Variants in RAET1E observed in about 807,000 individuals in gnomAD.
RAET1E encodes NKG2D ligand 4.
A neutral mutation model predicts 21.1 loss-of-function variants in RAET1E; 27 were observed. The observed-to-expected ratio is 1.28, with a 90% CI of 0.94 to 1.76. The LOEUF is 1.76. RAET1E is among the 40% of genes most tolerant of loss of function. The pLI, the probability that RAET1E is intolerant of heterozygous loss-of-function variation, is 0.00. For synonymous variants in RAET1E, 113 were observed against 115.0 expected, an observed-to-expected ratio of 0.98 and a Z score of 0.11; for missense variants, 310 against 311.3, an observed-to-expected ratio of 1.00 and a Z score of 0.03.
At chr6:149,892,837 A>G (rs1438066575) in intron 2 of RAET1E, among the ~76,000 whole-genome samples, 1 of 152,194 alleles carries the variant, frequency 6.6e-6, no homozygotes, top group Non-Finnish European at 1.5e-5. Flanking sequence ...TTATGGTCCT[A>G]TGTCTTATGT....
intron 2 of RAET1E, among the ~76,000 whole-genome samples, chr6:149,891,970 C>T (rs1050949653): frequency 1.3e-5 from 2 of 152,110 alleles, no homozygotes; most frequent in African/African-American, 2.4e-5. Context: ...TGAGTGAGAA[C>T]ATGTGGTATT....
rs1285132491 is a variant in RAET1E at position 149,887,443 on chromosome 6, C to T, written c.*1055G>A. On this transcript the variant is annotated 3_prime_UTR_variant, in exon 6 of 6. Transcript: ENST00000357183. ...CCATCACACCACCCACCACACGAGCCCCTTCTGGACCAGTGGCCCTTATCT... is the reference window on the plus strand; with the variant it reads ...CCATCACACCACCCACCACACGAGCTCCTTCTGGACCAGTGGCCCTTATCT... Among the ~76,000 whole-genome samples the T allele has an allele frequency of 6.6e-6, 1 of 152,136 alleles. No individual in the cohort carries two copies. The highest frequency in any genetic ancestry group is 2.4e-5 in the African/African-American group (1 of 41,426).
chr6:149,897,065 G>T (rs925666812), intron 1 of RAET1E, among the ~76,000 whole-genome samples: 52 of 152,314 alleles, frequency 3.4e-4, no homozygotes, highest in African/African-American at 1.2e-3. Context: ...ACCAGGTCTT[G>T]CTCTGTCATC....
In RAET1E at chr6:149,890,067, A is replaced by G. The variant is rs751595853; in HGVS notation, c.164T>C (p.Phe55Ser). The G allele has an allele frequency of 1.2e-6, 2 of 1,613,970 alleles. No individual in the cohort carries two copies. The highest frequency in any genetic ancestry group is 1.7e-5 in the Admixed American group (1 of 60,000). Residue 55 changes from phenylalanine (F) to serine (S), a missense_variant, in exon 4 of 6, where the codon TTC becomes TCC. Transcript: ENST00000357183. ...CTGAAGGAAAAGATTTTTATTCAAG[A>G]AGACCTGCGCTTCACACCAGGGCTG... The part of the protein sequence containing the change: ...PGQPWCEAQV[F>S]LNKNLFLQYN...
chr6:149,891,275 C>T (rs1179750370), intron 2 of RAET1E, among the ~76,000 whole-genome samples: 3 of 152,084 alleles, frequency 2.0e-5, no homozygotes, highest in African/African-American at 7.2e-5. Context: ...CCTTCTCCTC[C>T]CTGCCTCTTT....
chr6:149,897,751 G>A (rs7761039), intron 1 of RAET1E, among the ~76,000 whole-genome samples: 12,232 of 152,102 alleles, frequency 0.08, 1,662 homozygotes, highest in African/African-American at 0.28. Context: ...ATTGGAGAGA[G>A]GGGCGATTGG....
chr6:149,887,753 T>C lies in RAET1E; in HGVS notation c.*745A>G, dbSNP rs1292053061. The stretch of plus-strand genomic sequence containing the variant: ...TCTACTTAACTTTTCCAAATTGCTG[T>C]ACTTGAAAATGTTGAGGTCTGCCTG... On this transcript the variant is annotated 3_prime_UTR_variant, in exon 6 of 6. Transcript: ENST00000357183. Among the ~76,000 whole-genome samples, 5 of 152,150 alleles carry C rather than the reference T, an allele frequency of 3.3e-5. No individual in the cohort carries two copies. Among genetic ancestry groups the C allele is most frequent in the Admixed American group, 6.5e-5 (1 of 15,272 alleles).
Position 149,890,160 on chromosome 6 carries a change from T to A in RAET1E, c.86-15A>T. 1 of 1,613,642 alleles carries A rather than the reference T, an allele frequency of 6.2e-7. No homozygotes were observed. Among genetic ancestry groups the A allele is most frequent in the Non-Finnish European group, 8.5e-7 (1 of 1,179,738 alleles). ...AGAGTGACCACCTGTGAGACAAAGA[T>A]GCAGGTGAGGTCCAGGACAGGGGAA... On this transcript the variant is annotated splice_polypyrimidine_tract_variant and intron_variant, in intron 3 of 5. Transcript: ENST00000357183.
rs1181445354 is a variant in RAET1E, at chr6:149,889,983, G to A, written c.248C>T (p.Ala83Val). 1.2e-5 allele frequency: 20 copies of A among 1,614,096 alleles called. No homozygotes were observed. Among genetic ancestry groups the A allele is most frequent in the Admixed American group, 8.3e-5 (5 of 60,014 alleles). ...GGTCAATTCTCCCCAAGTGCTGGTG[G>A]CATATACCTTCTTCCCCAGGAGGCC... is the stretch of plus-strand genomic sequence containing the variant. ...PLGLLGKKVYATSTWGELTQT... is the reference protein window; with the variant it reads ...PLGLLGKKVYVTSTWGELTQT... The change falls in exon 4 of 6, where the codon GCC becomes GTC. Residue 83 changes from alanine (A) to valine (V), a missense_variant. Transcript: ENST00000357183.
At chr6:149,894,709 T>C (rs1187695894) in intron 2 of RAET1E, among the ~76,000 whole-genome samples, 1 of 152,186 alleles carries the variant, frequency 6.6e-6, no homozygotes, top group Non-Finnish European at 1.5e-5. Flanking sequence ...TTCCTAGCAT[T>C]TGTTAGAACA....
rs1022550506 is a variant in RAET1E at position 149,884,698 on chromosome 6, A to G, written c.*3800T>C. On this transcript the variant is annotated 3_prime_UTR_variant, in exon 6 of 6. Coordinates refer to ENST00000357183, the MANE Select transcript of RAET1E (RefSeq NM_001394057.1). ...TTACTTCATCATTAGTTAGACCCAG[A>G]CCCCAGCAGAGATTTTAGGGGTTCA... 6.6e-6 allele frequency among the ~76,000 whole-genome samples: 1 copy of G among 152,224 alleles called. No homozygotes were observed. Among genetic ancestry groups the G allele is most frequent in the South Asian group, 2.1e-4 (1 of 4,816 alleles).
chr6:149,897,688 G>T (rs1271294032), intron 1 of RAET1E, among the ~76,000 whole-genome samples: 1 of 152,172 alleles, frequency 6.6e-6, no homozygotes, highest in Non-Finnish European at 1.5e-5. Context: ...GACAAGAGAA[G>T]TCGGAAAGAA....
intron 4 of RAET1E, 68 bp downstream of exon 4, chr6:149,889,817 C>G: frequency 6.4e-7 from 1 of 1,557,728 alleles, no homozygotes; most frequent in Non-Finnish European, 8.8e-7. Flanking sequence ...AAAGCCCCTC[C>G]CCATCTGTGT....
chr6:149,884,551 T>G lies in RAET1E; in HGVS notation c.*3947A>C. On this transcript the variant is annotated 3_prime_UTR_variant, in exon 6 of 6. Transcript: ENST00000357183. ...GTGCAGAACCCTGGGTCAGATCAGC[T>G]CAGGATTGACCCCTCCGTGATCTCT... The G allele has an allele frequency of 2.6e-6, 4 of 1,522,692 alleles. No individual in the cohort carries two copies. Among genetic ancestry groups the G allele is most frequent in the Non-Finnish European group, 3.5e-6 (4 of 1,134,854 alleles). 94.3% of individuals were successfully genotyped at this position (1,522,692 alleles called of 1,614,324 possible). A position where few individuals can be genotyped will look rare whatever the true frequency, so the allele number is the denominator to read the frequency against.
rs1268592437 is a variant in RAET1E, at chr6:149,888,671, A to C, written c.623-4T>G. The C allele has an allele frequency of 3.5e-5, 24 of 687,322 alleles. No individual in the cohort carries two copies. Among genetic ancestry groups the C allele is most frequent in the Non-Finnish European group, 5.1e-5 (23 of 453,438 alleles). The allele number at this position is 687,322 out of a possible 1,614,324, so 42.6% of individuals were successfully genotyped here. A position where few individuals can be genotyped will look rare whatever the true frequency, so the allele number is the denominator to read the frequency against. Reference sequence around the variant, plus strand: ...TCTGAAGCATTTACTGGTGACACTAAAAAAAAAAAAAAAAAGAAAAAAAAG... The same window carrying C: ...TCTGAAGCATTTACTGGTGACACTACAAAAAAAAAAAAAAAGAAAAAAAAG... On this transcript the variant is annotated splice_region_variant and splice_polypyrimidine_tract_variant and intron_variant, in intron 5 of 5. Coordinates refer to ENST00000357183, the MANE Select transcript of RAET1E (RefSeq NM_001394057.1).
At position 149,885,693 on chromosome 6, in the gene RAET1E, G is replaced by T. The variant is rs555286694; in HGVS notation, c.*2805C>A. 3 of 151,842 alleles carry T rather than the reference G, an allele frequency of 2.0e-5. No homozygotes were observed. The highest frequency in any genetic ancestry group is 7.3e-5 in the African/African-American group (3 of 40,964). 9.4% of individuals were successfully genotyped at this position (151,842 alleles called of 1,614,324 possible). On this transcript the variant is annotated 3_prime_UTR_variant, in exon 6 of 6. Coordinates refer to ENST00000357183, the MANE Select transcript of RAET1E (RefSeq NM_001394057.1). ...GTACAGGTAGGATGGTGGAGATGTG[G>T]TTGGGGACATGGATGGTTGAGGTGA...
In RAET1E at chr6:149,889,624, C is replaced by A. The variant is rs777239114; in HGVS notation, c.347-1G>T. On this transcript the variant is annotated splice_acceptor_variant, in intron 4 of 5. Transcript: ENST00000357183. LOFTEE classifies it high-confidence loss of function. Reference sequence around the variant, plus strand: ...ATCTCGACTTGCAGAGTGGAAGGATCTGCAATCCAAACACAAAGCCATCAT... The same window carrying A: ...ATCTCGACTTGCAGAGTGGAAGGATATGCAATCCAAACACAAAGCCATCAT... 17 of 1,613,584 alleles carry A rather than the reference C, an allele frequency of 1.1e-5. No homozygotes were observed. Among genetic ancestry groups the A allele is most frequent in the Non-Finnish European group, 1.4e-5 (17 of 1,179,662 alleles).
In RAET1E at chr6:149,887,925, A is replaced by G. The variant is rs920548770; in HGVS notation, c.*573T>C. On this transcript the variant is annotated 3_prime_UTR_variant, in exon 6 of 6. Transcript: ENST00000357183. ...CTGGCATATAATAGTTCTCTCAGCC[A>G]GGTGTGTTGGCTCCCCCTGTAATCC... 6.6e-6 allele frequency among the ~76,000 whole-genome samples: 1 copy of G among 152,178 alleles called. No homozygotes were observed. Among genetic ancestry groups the G allele is most frequent in the African/African-American group, 2.4e-5 (1 of 41,458 alleles).
At chr6:149,892,899 G>A (rs9383584) in intron 2 of RAET1E, among the ~76,000 whole-genome samples, 62,679 of 151,976 alleles carry the variant, frequency 0.41, 13,792 homozygotes, top group East Asian at 0.88. Flanking sequence ...GTAAGGAAGG[G>A]GTCCAGTTTC....
Sources: allele counts gnomAD v4.1 joint callset (sites outside exome capture counted in the v4.1 genomes callset), GRCh38; gene constraint gnomAD v4.1.1; transcripts MANE v1.5; gene names NCBI Gene and HGNC (gene_info 2026-07-23, HGNC 2026-07-21).